The following SVIL variants were observed in gnomAD, a reference collection of about 807,000 sequenced individuals.
SVIL encodes archvillin.
In SVIL, 101 loss-of-function variants were observed where a neutral mutation model predicts 240.4. The ratio of observed to expected loss-of-function variants is 0.42; its 90% CI spans 0.36 to 0.50. The LOEUF is 0.50. Among genes scored for constraint, SVIL ranks in the 20% least tolerant of loss-of-function variants. SVIL has a pLI of 0.01. For missense variants in SVIL, 2,512 were observed against 2,818.7 expected, an observed-to-expected ratio of 0.89 and a Z score of 2.46; for synonymous variants, 999 against 1,100.0, an observed-to-expected ratio of 0.91 and a Z score of 1.82.
At chr10:29,573,839 G>T (rs1340860975) in intron 1 of SVIL, among the ~76,000 whole-genome samples, 1 of 152,064 alleles carries the variant, frequency 6.6e-6, no homozygotes, top group Non-Finnish European at 1.5e-5. Context: ...GGGATTACAG[G>T]CGCGCGCCAC....
chr10:29,480,472 C>G (rs1481778735), intron 29 of SVIL, 65 bp downstream of exon 29: 1 of 1,580,200 alleles, frequency 6.3e-7, no homozygotes, highest in Non-Finnish European at 8.6e-7. Context: ...ATTGGAGAAG[C>G]TGGCTCCCGC....
intron 1 of SVIL, among the ~76,000 whole-genome samples, chr10:29,617,763 A>T (rs1957482727): frequency 6.6e-6 from 1 of 152,180 alleles, no homozygotes; most frequent in Non-Finnish European, 1.5e-5. Context: ...GTGGACTCCA[A>T]GTTTTCAATA....
intron 1 of SVIL, among the ~76,000 whole-genome samples, chr10:29,616,764 C>A (rs904664719): frequency 2.0e-5 from 3 of 152,160 alleles, no homozygotes; most frequent in Admixed American, 6.5e-5. Flanking sequence ...TCTGTCACAC[C>A]CATGCTGGAG....
At chr10:29,560,216 C>G (rs936486911) in intron 3 of SVIL, among the ~76,000 whole-genome samples, 6 of 152,230 alleles carry the variant, frequency 3.9e-5, no homozygotes, top group African/African-American at 1.4e-4. Context: ...ATAAACCAAG[C>G]AATTACAAAC....
rs747065873 is a variant in SVIL at position 29,488,766 on chromosome 10, T to G, written c.4193-10A>C. On this transcript the variant is annotated splice_polypyrimidine_tract_variant and intron_variant, in intron 22 of 37. Coordinates refer to ENST00000355867, the MANE Select transcript of SVIL (RefSeq NM_021738.3). The stretch of plus-strand genomic sequence containing the variant: ...TTGGAGTTGGAAGACACTGGGCACG[T>G]TGAATAAGGAAACACAACGCAGGAG... 2 of 1,609,768 alleles carry G rather than the reference T, an allele frequency of 1.2e-6. No individual in the cohort carries two copies. The highest frequency in any genetic ancestry group is 1.7e-6 in the Non-Finnish European group (2 of 1,178,572).
At chr10:29,660,929 G>C (rs565017859) in intron 2 of SVIL, among the ~76,000 whole-genome samples, 2 of 152,252 alleles carry the variant, frequency 1.3e-5, no homozygotes, top group South Asian at 4.1e-4. Flanking sequence ...AGCACTCTGC[G>C]AGGCTGAGAT....
intron 17 of SVIL, among the ~76,000 whole-genome samples, chr10:29,506,679 AT>A (rs765656111): frequency 0.19 from 21,314 of 111,742 alleles, 1,363 homozygotes; most frequent in Non-Finnish European, 0.23. Context: ...CAGAGGCCCT[AT>A]GAGGGAGGGG....
At chr10:29,532,487 G>A (rs374473356) in intron 8 of SVIL, 42 bp downstream of exon 8, 112 of 1,566,476 alleles carry the variant, frequency 7.1e-5, no homozygotes, top group Middle Eastern at 3.5e-4. Context: ...TGCCAGGGAC[G>A]TGCAAGTGAC....
chr10:29,560,972 G>C (rs1954410361), intron 3 of SVIL, among the ~76,000 whole-genome samples: 7 of 151,848 alleles, frequency 4.6e-5, no homozygotes, highest in Admixed American at 4.6e-4. Flanking sequence ...CCGAGTAGCT[G>C]GGACTTGCCC....
intron 2 of SVIL, among the ~76,000 whole-genome samples, chr10:29,568,226 A>C (rs1955148347): frequency 6.8e-6 from 1 of 146,484 alleles, no homozygotes; most frequent in Admixed American, 7.0e-5. Flanking sequence ...TTGTGTGTAA[A>C]AATTAAAGCA....
chr10:29,516,037 G>C (rs1950178502), intron 16 of SVIL, among the ~76,000 whole-genome samples: 1 of 152,204 alleles, frequency 6.6e-6, no homozygotes, highest in Non-Finnish European at 1.5e-5. Flanking sequence ...AGTGGGCAGA[G>C]AGACGTGACT....
chr10:29,617,580 A>G (rs1313565548), intron 1 of SVIL, among the ~76,000 whole-genome samples: 2 of 31,166 alleles, frequency 6.4e-5, no homozygotes, highest in African/African-American at 6.6e-5. Context: ...AACTAATCTA[A>G]AAAAAAAAAA....
chr10:29,716,984 A>G (rs575165448), intron 1 of SVIL, among the ~76,000 whole-genome samples: 1 of 152,230 alleles, frequency 6.6e-6, no homozygotes, highest in Non-Finnish European at 1.5e-5. Flanking sequence ...TAATCCCAGC[A>G]CTTTGGGAGG....
chr10:29,654,679 A>T (rs1365666208), intron 3 of SVIL, among the ~76,000 whole-genome samples: 1 of 152,210 alleles, frequency 6.6e-6, no homozygotes, highest in African/African-American at 2.4e-5. Context: ...GAGAAGTCCC[A>T]CAACCGGTTG....
intron 6 of SVIL, among the ~76,000 whole-genome samples, chr10:29,537,274 G>C (rs1430781886): frequency 6.6e-6 from 1 of 152,128 alleles, no homozygotes; most frequent in Non-Finnish European, 1.5e-5. Flanking sequence ...CCTAGTAAGT[G>C]CAAGTAATGA....
At chr10:29,466,606 T>G (rs1199694106) in intron 33 of SVIL, among the ~76,000 whole-genome samples, 1 of 152,080 alleles carries the variant, frequency 6.6e-6, no homozygotes, top group African/African-American at 2.4e-5. Context: ...AAGAAACAAC[T>G]CAACTCCCCA....
In SVIL at chr10:29,651,747, A is replaced by G. The variant is rs371120093; in HGVS notation, c.-201+6222T>C. ...TAGACACACGTTCAACTGTCTGCCTAAGATTTGTTTGGATATTTAATAGAC... is the reference window on the plus strand; with the variant it reads ...TAGACACACGTTCAACTGTCTGCCTGAGATTTGTTTGGATATTTAATAGAC... On this transcript the variant is annotated intron_variant, in intron 3 of 35. Transcript: ENST00000375400. Among the ~76,000 whole-genome samples the G allele has an allele frequency of 3.3e-5, 5 of 152,126 alleles. No individual in the cohort carries two copies. The South Asian group carries it at 6.2e-4, about 19-fold the overall frequency.
chr10:29,697,619 C>T lies in SVIL; in HGVS notation c.-399-10968G>A, dbSNP rs1216720411. ...TTGTTAAACAGATGCTTGAAGGCAG[C>T]AGGCTCCTTAAGAGTCATCACCACT... On this transcript the variant is annotated intron_variant, in intron 1 of 35. Transcript: ENST00000375400. 4.0e-5 allele frequency among the ~76,000 whole-genome samples: 5 copies of T among 125,598 alleles called. 1 individual carries two copies. Among genetic ancestry groups the T allele is most frequent in the Non-Finnish European group, 8.2e-5 (5 of 61,326 alleles). The allele number at this position is 125,598 out of a possible 152,430, so 82.4% of individuals were successfully genotyped here.
intron 1 of SVIL, among the ~76,000 whole-genome samples, chr10:29,606,152 C>G (rs1371258636): frequency 6.6e-6 from 1 of 152,122 alleles, no homozygotes; most frequent in Non-Finnish European, 1.5e-5. Context: ...CTCAAGTGAT[C>G]CACCTGCCTT....
Sources: gnomAD v4.1 joint callset for allele counts (sites outside exome capture counted in the v4.1 genomes callset) on GRCh38, gnomAD v4.1.1 for gene constraint, MANE v1.5 for transcripts, NCBI Gene and HGNC (gene_info 2026-07-23, HGNC 2026-07-21) for gene names.